The following PCNX1 variants were observed in gnomAD, a reference collection of about 807,000 sequenced individuals.
The protein encoded by PCNX1 is pecanex 1.
Under a neutral mutation model 242.2 loss-of-function variants are expected in PCNX1, and 78 were observed. The ratio of observed to expected loss-of-function variants is 0.32; its 90% CI spans 0.27 to 0.39. The LOEUF (loss-of-function observed/expected upper bound fraction) is 0.39, where lower values mean the gene tolerates loss of function less well. PCNX1 is among the 10% of genes least tolerant of loss of function. The pLI, the probability that PCNX1 is intolerant of heterozygous loss-of-function variation, is 1.00. For synonymous variants in PCNX1, 1,024 were observed against 1,032.9 expected (o/e 0.99, Z 0.17); for missense variants, 2,581 against 2,856.5 (o/e 0.90, Z 2.20).
intron 26 of PCNX1, among the ~76,000 whole-genome samples, chr14:71,064,411 C>T (rs2061398264): frequency 6.6e-6 from 1 of 152,106 alleles, no homozygotes. Context: ...TATTCTGCTG[C>T]TATAAACAAG....
intron 8 of PCNX1, 146 bp downstream of exon 8, chr14:70,996,071 G>T: frequency 1.6e-6 from 1 of 610,470 alleles, no homozygotes. Flanking sequence ...TATGTGTTAG[G>T]AAAATGTGAC....
intron 2 of PCNX1, among the ~76,000 whole-genome samples, chr14:70,956,269 G>T (rs1047716579): frequency 6.6e-6 from 1 of 152,122 alleles, no homozygotes; most frequent in Non-Finnish European, 1.5e-5. Context: ...AGGGCCAAGC[G>T]CAGTGGCTCA....
At chr14:70,961,135 T>A (rs988873563) in intron 2 of PCNX1, among the ~76,000 whole-genome samples, 5 of 152,168 alleles carry the variant, frequency 3.3e-5, no homozygotes, top group Non-Finnish European at 1.5e-5. Flanking sequence ...AACCTACCAA[T>A]GACTTTCTTC....
chr14:71,097,878 T>C (rs906614355), intron 30 of PCNX1, among the ~76,000 whole-genome samples: 5 of 152,236 alleles, frequency 3.3e-5, no homozygotes, highest in East Asian at 1.9e-4. Context: ...ACATGGTGTT[T>C]CCTAGATTTT....
Position 71,033,924 on chromosome 14 carries a change from C to A in PCNX1, c.3669-7C>A. The A allele has an allele frequency of 1.4e-6, 2 of 1,455,290 alleles. No individual in the cohort carries two copies. Among genetic ancestry groups the A allele is most frequent in the Non-Finnish European group, 1.9e-6 (2 of 1,052,210 alleles). 90.1% of individuals were successfully genotyped at this position (1,455,290 alleles called of 1,614,324 possible). On this transcript the variant is annotated splice_polypyrimidine_tract_variant and splice_region_variant and intron_variant, in intron 17 of 35. Transcript: ENST00000304743. The stretch of plus-strand genomic sequence containing the variant: ...TGTATTTTCTGTTTTTTTTTCTTCA[C>A]ATAAAGCTCTTTAGTGCAATCCAAG...
In PCNX1 at chr14:71,105,076, C is replaced by T. The variant is rs1340408759; in HGVS notation, c.6096-159C>T. On this transcript the variant is annotated intron_variant, in intron 32 of 35. Coordinates refer to ENST00000304743, the MANE Select transcript of PCNX1 (RefSeq NM_014982.3). ...TAGTTCTTAAGCCACTCTTTGAAAACGTAATGAGTTTTTTTGTTCCTAATA... is the reference window on the plus strand; with the variant it reads ...TAGTTCTTAAGCCACTCTTTGAAAATGTAATGAGTTTTTTTGTTCCTAATA... 1.3e-5 allele frequency among the ~76,000 whole-genome samples: 2 copies of T among 152,204 alleles called. 1 individual carries two copies. Among genetic ancestry groups the T allele is most frequent in the East Asian group, 3.8e-4 (2 of 5,202 alleles).
At chr14:70,982,912 C>G (rs959040013) in intron 6 of PCNX1, among the ~76,000 whole-genome samples, 1 of 152,132 alleles carries the variant, frequency 6.6e-6, no homozygotes, top group Admixed American at 6.5e-5. Flanking sequence ...GAATAATAAC[C>G]GTCTAGACCT....
intron 17 of PCNX1, 32 bp downstream of exon 17, chr14:71,033,570 G>T (rs548141134): frequency 8.5e-6 from 10 of 1,171,350 alleles, no homozygotes; most frequent in African/African-American, 6.1e-5. Context: ...TGAATTAAAA[G>T]AAATTTAAGT....
At chr14:71,014,837 A>G (rs781648657) in intron 11 of PCNX1, among the ~76,000 whole-genome samples, 4 of 152,198 alleles carry the variant, frequency 2.6e-5, no homozygotes, top group Non-Finnish European at 5.9e-5. Context: ...GAACTTTCCA[A>G]ATTTGATGAA....
At chr14:70,992,300 A>G (rs910553012) in intron 7 of PCNX1, among the ~76,000 whole-genome samples, 13 of 152,270 alleles carry the variant, frequency 8.5e-5, no homozygotes, top group African/African-American at 3.1e-4. Flanking sequence ...TGTATTCTTA[A>G]AATTTATTTT....
At chr14:70,945,382 A>G (rs965015050) in intron 1 of PCNX1, among the ~76,000 whole-genome samples, 4 of 152,234 alleles carry the variant, frequency 2.6e-5, no homozygotes, top group African/African-American at 9.7e-5. Flanking sequence ...TTATTCAGTA[A>G]CATTTTAAGT....
intron 2 of PCNX1, among the ~76,000 whole-genome samples, chr14:70,957,830 G>A (rs958490842): frequency 1.4e-5 from 2 of 141,668 alleles, no homozygotes; most frequent in African/African-American, 4.9e-5. Context: ...GTATGTATGT[G>A]TGTGTATATA....
chr14:70,972,202 A>G (rs1002426788), intron 5 of PCNX1, among the ~76,000 whole-genome samples: 3 of 148,828 alleles, frequency 2.0e-5, no homozygotes, highest in African/African-American at 7.5e-5. Flanking sequence ...ATCAGGGAGG[A>G]TGGGGGCCCG....
intron 1 of PCNX1, among the ~76,000 whole-genome samples, chr14:70,929,382 C>A (rs964292854): frequency 4.0e-5 from 6 of 150,262 alleles, no homozygotes; most frequent in African/African-American, 1.5e-4. Context: ...ATTATATTAT[C>A]TGACTTATTA....
intron 16 of PCNX1, among the ~76,000 whole-genome samples, chr14:71,030,692 A>T (rs1468766463): frequency 6.6e-6 from 1 of 152,168 alleles, no homozygotes; most frequent in East Asian, 1.9e-4. Context: ...TAAGAAATCT[A>T]GAATGCATTT....
chr14:71,066,363 C>A (rs932123723), intron 26 of PCNX1, among the ~76,000 whole-genome samples: 1 of 152,122 alleles, frequency 6.6e-6, no homozygotes, highest in Non-Finnish European at 1.5e-5. Context: ...GTATTTTATT[C>A]TCTTTGTAGC....
rs2058740624 is a variant in PCNX1, at chr14:70,978,301, A to C, written c.1964A>C (p.Asp655Ala). The C allele has an allele frequency of 6.2e-7, 1 of 1,614,010 alleles. No homozygotes were observed. The highest frequency in any genetic ancestry group is 1.3e-5 in the African/African-American group (1 of 74,906). Residue 655 changes from aspartate to alanine, a missense_variant, in exon 6 of 36, where the codon GAC (aspartate) becomes GCC (alanine). Around this residue, in one of 9 missense-constraint regions of PCNX1, gnomAD observed 1,204 missense variants for 1,216.7 expected, o/e 0.99. Transcript: ENST00000304743. ...TKHTHKERGT[D>A]SEHTHKAHLV... Reference sequence around the variant, plus strand: ...CACACTCATAAAGAAAGGGGCACAGACTCTGAACACACACACAAAGCTCAT... The same window carrying C: ...CACACTCATAAAGAAAGGGGCACAGCCTCTGAACACACACACAAAGCTCAT...
intron 24 of PCNX1, among the ~76,000 whole-genome samples, chr14:71,052,428 CT>C (rs2061063627): frequency 6.6e-6 from 1 of 152,072 alleles, no homozygotes; most frequent in South Asian, 2.1e-4. Flanking sequence ...GCCTATACTG[CT>C]CTCAAACTCT....
intron 11 of PCNX1, 78 bp downstream of exon 11, chr14:71,013,280 T>A: frequency 9.2e-7 from 1 of 1,087,332 alleles, no homozygotes; most frequent in Non-Finnish European, 1.4e-6. Context: ...CCCACTGAGG[T>A]TTTTACCTGG....
Sources: allele counts gnomAD v4.1 joint callset (sites outside exome capture counted in the v4.1 genomes callset), GRCh38; gene constraint gnomAD v4.1.1; regional missense constraint gnomAD v4.1.1; transcripts MANE v1.5; gene names NCBI Gene and HGNC (gene_info 2026-07-23, HGNC 2026-07-21).